SCML2: variants seen among roughly 807,000 people sequenced by gnomAD.
SCML2 encodes the protein Scm polycomb group protein like 2.
A neutral mutation model predicts 48.4 loss-of-function variants in SCML2; 6 were observed. That is an observed-to-expected ratio of 0.12 (90% CI 0.07 to 0.24). SCML2 has a LOEUF of 0.24. SCML2 is among the 10% of genes least tolerant of loss of function. The pLI is 1.00. For synonymous variants in SCML2, 181 were observed against 189.5 expected (o/e 0.95, Z 0.37); for missense variants, 377 against 528.2 (o/e 0.71, Z 2.81).
chrX:18,272,990 C>A (rs959138097), intron 7 of SCML2, among the ~76,000 whole-genome samples: 2 of 112,037 alleles, frequency 1.8e-5, no homozygotes, highest in African/African-American at 3.2e-5. Context: ...TTTTAGGGAA[C>A]CTTTGTGTGT....
intron 5 of SCML2, 28 bp downstream of exon 5, chrX:18,323,831 T>C (rs765167112): frequency 1.6e-5 from 17 of 1,071,559 alleles, no homozygotes; most frequent in Non-Finnish European, 2.1e-5. Flanking sequence ...TTAGAAAGAA[T>C]ACGCTATTTT....
intron 4 of SCML2, 123 bp from the exon 5 acceptor site, chrX:18,324,216 G>C: frequency 4.2e-6 from 2 of 471,984 alleles, no homozygotes; most frequent in Non-Finnish European, 7.3e-6. Flanking sequence ...GATGAGTGAG[G>C]TCAGAGCTGT....
intron 7 of SCML2, among the ~76,000 whole-genome samples, chrX:18,285,289 C>T (rs1264163326): frequency 3.7e-5 from 4 of 109,128 alleles, no homozygotes; most frequent in African/African-American, 1.0e-4. Flanking sequence ...ATAGCAAAGA[C>T]GTGGAATCAA....
chrX:18,342,701 G>C (rs1184125358), intron 1 of SCML2, among the ~76,000 whole-genome samples: 1 of 103,231 alleles, frequency 9.7e-6, no homozygotes, highest in Non-Finnish European at 2.0e-5. Context: ...AACAGAGCAA[G>C]ACTCCATCTC....
At chrX:18,244,090 C>T (rs1036760210) in intron 13 of SCML2, among the ~76,000 whole-genome samples, 2 of 111,578 alleles carry the variant, frequency 1.8e-5, no homozygotes, top group Admixed American at 9.6e-5. Flanking sequence ...AACATCACAA[C>T]GATGATGTGA....
intron 1 of SCML2, among the ~76,000 whole-genome samples, chrX:18,350,588 A>G (rs993458548): frequency 1.9e-5 from 2 of 107,705 alleles, no homozygotes; most frequent in African/African-American, 6.8e-5. Context: ...AAAAAAAAAA[A>G]AAAAAAATTA....
intron 6 of SCML2, among the ~76,000 whole-genome samples, chrX:18,306,862 C>T (rs1313198033): frequency 9.0e-6 from 1 of 110,577 alleles, no homozygotes; most frequent in Non-Finnish European, 1.9e-5. Flanking sequence ...GAGATGAGGG[C>T]CTCGCTATGT....
chrX:18,259,722 T>C (rs1473087278), intron 9 of SCML2, among the ~76,000 whole-genome samples: 1 of 111,952 alleles, frequency 8.9e-6, no homozygotes, highest in Non-Finnish European at 1.9e-5. Flanking sequence ...AAAAACTAAA[T>C]TTACTTTTAG....
chrX:18,288,380 G>A (rs1217961837), intron 7 of SCML2, among the ~76,000 whole-genome samples: 1 of 111,126 alleles, frequency 9.0e-6, no homozygotes, highest in African/African-American at 3.3e-5. Context: ...TGACAACAGT[G>A]TCATTACAAA....
chrX:18,286,932 T>C (rs1426089200), intron 7 of SCML2, among the ~76,000 whole-genome samples: 1 of 110,590 alleles, frequency 9.0e-6, no homozygotes, highest in Non-Finnish European at 1.9e-5. Context: ...ATTTTAACCC[T>C]TGTTGGACCT....
At chrX:18,265,458 G>A in intron 8 of SCML2, 127 bp downstream of exon 8, 1 of 529,362 alleles carries the variant, frequency 1.9e-6, no homozygotes, top group Non-Finnish European at 3.1e-6. Flanking sequence ...GCTTTCAAAA[G>A]CCTACATACT....
chrX:18,324,925 A>T lies in SCML2; in HGVS notation c.144T>A (p.Pro48=). 8.3e-7 allele frequency: 1 copy of T among 1,202,001 alleles called. No individual in the cohort carries two copies. The highest frequency in any genetic ancestry group is 1.1e-6 in the Non-Finnish European group (1 of 887,228). ...YLKETGSISA[P]SECFRQSQIP... is the part of the protein sequence containing the mutation. ...GGCATACCTGACGGAAGCACTCTGA[A>T]GGAGCACTTATAGACCCAGTCTCTT... Residue 48 remains proline (P), a synonymous_variant, in exon 4 of 15, where the codon CCT becomes CCA. Transcript: ENST00000251900.
At chrX:18,336,039 T>A (rs974312760) in intron 1 of SCML2, among the ~76,000 whole-genome samples, 1 of 112,133 alleles carries the variant, frequency 8.9e-6, no homozygotes, top group African/African-American at 3.2e-5. Context: ...ACAAATTAGA[T>A]CAGTGGAAAC....
intron 6 of SCML2, among the ~76,000 whole-genome samples, chrX:18,318,667 ATATCAAAGGGAC>A (rs1463381794): frequency 1.8e-5 from 2 of 112,198 alleles, no homozygotes; most frequent in Non-Finnish European, 3.8e-5. Context: ...TTTTTCTCCA[ATATCAAAGGGAC>A]TAACACAGTA....
intron 7 of SCML2, among the ~76,000 whole-genome samples, chrX:18,280,997 T>C (rs1244562090): frequency 1.8e-5 from 2 of 112,836 alleles, no homozygotes; most frequent in African/African-American, 6.5e-5. Context: ...CTTGACCAAC[T>C]GGACCTAATA....
At chrX:18,318,277 T>C (rs1432696264) in intron 6 of SCML2, among the ~76,000 whole-genome samples, 1 of 112,890 alleles carries the variant, frequency 8.9e-6, no homozygotes, top group African/African-American at 3.2e-5. Flanking sequence ...CCACAGAATT[T>C]TTCTTTGCAA....
Position 18,277,601 on chromosome X carries a change from A to G in SCML2, c.731-11799T>C, listed in dbSNP as rs751432617. 1.3e-3 allele frequency among the ~76,000 whole-genome samples: 147 copies of G among 111,974 alleles called. 1 individual carries two copies. Among genetic ancestry groups the G allele is most frequent in the African/African-American group, 4.7e-3 (144 of 30,857 alleles). On this transcript the variant is annotated intron_variant, in intron 7 of 14. Coordinates refer to ENST00000251900, the MANE Select transcript of SCML2 (RefSeq NM_006089.3). ...CCAAAAGCTTATGCTCTTTGTTTAA[A>G]CTGGGTACTATTTTTAATTAATGAG...
intron 5 of SCML2, among the ~76,000 whole-genome samples, chrX:18,321,680 A>G (rs1374286155): frequency 9.3e-6 from 1 of 107,646 alleles, no homozygotes; most frequent in Non-Finnish European, 1.9e-5. Flanking sequence ...ATTATTCTCC[A>G]TTCTGTGGAG....
chrX:18,285,168 G>A (rs1213375062), intron 7 of SCML2, among the ~76,000 whole-genome samples: 3 of 110,759 alleles, frequency 2.7e-5, no homozygotes, highest in Non-Finnish European at 5.7e-5. Context: ...AAAGAACTCA[G>A]AACTACCATT....
Sources: gnomAD v4.1 joint callset for allele counts (sites outside exome capture counted in the v4.1 genomes callset) on GRCh38, gnomAD v4.1.1 for gene constraint, MANE v1.5 for transcripts, NCBI Gene and HGNC (gene_info 2026-07-23, HGNC 2026-07-21) for gene names.